GRWD1: variants seen among roughly 807,000 people sequenced by gnomAD.
GRWD1 encodes the protein glutamate-rich WD repeat-containing protein 1.
A neutral mutation model predicts 45.3 loss-of-function variants in GRWD1; 29 were observed. That is an observed-to-expected ratio of 0.64 (90% CI 0.48 to 0.87). The LOEUF (loss-of-function observed/expected upper bound fraction) is 0.87, where lower values mean the gene tolerates loss of function less well. GRWD1 is among the 40% of genes least tolerant of loss of function. The pLI, the probability that GRWD1 is intolerant of heterozygous loss-of-function variation, is 0.00. For missense variants in GRWD1, 592 were observed against 618.8 expected (o/e 0.96, Z 0.46); for synonymous variants, 262 against 257.6 (o/e 1.02, Z -0.16).
rs1417783952 is a variant in GRWD1 at position 48,446,301 on chromosome 19, C to T, written c.188-84C>T. ...GGGTCTAAGAGAAGTGATTTCATACCGGAGGCGGTTGATCCATGAGGGAGG... is the reference window on the plus strand; with the variant it reads ...GGGTCTAAGAGAAGTGATTTCATACTGGAGGCGGTTGATCCATGAGGGAGG... On this transcript the variant is annotated intron_variant, in intron 1 of 6. Transcript: ENST00000253237. 5.8e-6 allele frequency: 9 copies of T among 1,552,400 alleles called. No homozygotes were observed. In the African/African-American group the frequency reaches 8.2e-5, roughly 14 times the overall value.
At chr19:48,449,083 G>A (rs1971441951) in intron 3 of GRWD1, among the ~76,000 whole-genome samples, 1 of 152,074 alleles carries the variant, frequency 6.6e-6, no homozygotes, top group African/African-American at 2.4e-5. Flanking sequence ...ATGAGAAGGG[G>A]GTTGGAAGTG....
chr19:48,451,943 A>G (rs1407969059), intron 6 of GRWD1, among the ~76,000 whole-genome samples: 7 of 152,290 alleles, frequency 4.6e-5, no homozygotes, highest in African/African-American at 1.2e-4. Flanking sequence ...AGAGACGCCA[A>G]TTGAGCGGGG....
chr19:48,446,816 C>G lies in GRWD1; in HGVS notation c.441C>G (p.Pro147=). The part of the protein sequence containing the change: ...RKPQLELAMV[P]HYGGINRVRV... ...CTCAGCTGGAGCTGGCCATGGTGCC[C>G]CACTATGGTGGCATCAACCGAGTTC... Residue 147 remains proline, a synonymous_variant, in exon 3 of 7, where the codon CCC becomes CCG. Transcript: ENST00000253237. 1 of 1,613,828 alleles carries G rather than the reference C, an allele frequency of 6.2e-7. No homozygotes were observed. The highest frequency in any genetic ancestry group is 8.5e-7 in the Non-Finnish European group (1 of 1,179,980).
chr19:48,453,326 C>T lies in GRWD1; in HGVS notation c.*301C>T, dbSNP rs865990360. ...AGCTGTGACCCATTTGACCTGTGTC[C>T]CCAGAACCCAGTTTTTTGTTTGTTT... On this transcript the variant is annotated 3_prime_UTR_variant, in exon 7 of 7. Transcript: ENST00000253237. 3.3e-6 allele frequency: 1 copy of T among 302,192 alleles called. No homozygotes were observed. Among genetic ancestry groups the T allele is most frequent in the Non-Finnish European group, 6.1e-6 (1 of 163,608 alleles). The allele number at this position is 302,192 out of a possible 1,614,324, so 18.7% of individuals were successfully genotyped here.
In GRWD1 at chr19:48,446,087, G is replaced by C; in HGVS notation, c.82G>C (p.Gly28Arg). ...CGAGTCCGGCGACACAAGTTCCGAG[G>C]GCCCGGCCCAGGTCTACCTGCCCGG... ...EAESGDTSSE[G>R]PAQVYLPGRG... The change falls in exon 1 of 7, where the codon GGC becomes CGC. Residue 28 changes from glycine (G) to arginine (R), a missense_variant. Physicochemically the swap from Gly to Arg is moderately radical, Grantham distance 125 (BLOSUM62 -2). Coordinates refer to ENST00000253237, the MANE Select transcript of GRWD1 (RefSeq NM_031485.4). 1 of 1,596,316 alleles carries C rather than the reference G, an allele frequency of 6.3e-7. No individual in the cohort carries two copies.
Position 48,446,430 on chromosome 19 carries a change from A to G in GRWD1, c.233A>G (p.Asp78Gly). Residue 78 changes from aspartate to glycine, a missense_variant, in exon 2 of 7, where the codon GAC becomes GGC. Asp to Gly is a moderately conservative substitution (Grantham distance 94). Transcript: ENST00000253237. ...SFDIVRDHLG[D>G]NRTELPLTLY... ...GACATAGTCCGGGATCACCTGGGAG[A>G]CAACCGGACAGAGCTTCCTCTTACA... 6.2e-7 allele frequency: 1 copy of G among 1,614,126 alleles called. No homozygotes were observed. Among genetic ancestry groups the G allele is most frequent in the Admixed American group, 1.7e-5 (1 of 60,018 alleles).
rs1203847344 is a variant in GRWD1 at position 48,456,895 on chromosome 19, C to T, written c.*3870C>T. ...TTAGAGACAGGGTTTTGCTGTCTTC[C>T]CCAGGCTGGTTCTCAAACCCCTGGC... On this transcript the variant is annotated 3_prime_UTR_variant, in exon 7 of 7. Transcript: ENST00000253237. The T allele has an allele frequency of 1.3e-5, 2 of 151,716 alleles. No homozygotes were observed. Among genetic ancestry groups the T allele is most frequent in the African/African-American group, 4.8e-5 (2 of 41,306 alleles). The allele number at this position is 151,716 out of a possible 1,614,324, so 9.4% of individuals were successfully genotyped here. A position where few individuals can be genotyped will look rare whatever the true frequency, so the allele number is the denominator to read the frequency against.
rs918366881 is a variant in GRWD1 at position 48,452,552 on chromosome 19, C to T, written c.1024-156C>T. 6.6e-6 allele frequency among the ~76,000 whole-genome samples: 1 copy of T among 152,196 alleles called. No homozygotes were observed. The highest frequency in any genetic ancestry group is 2.4e-5 in the African/African-American group (1 of 41,456). ...AGCCTTCTTAGCAGCCAGAATTACC[C>T]TGTGTCCCTTTCCTGGACTCTGGGC... is the stretch of plus-strand genomic sequence containing the variant. On this transcript the variant is annotated intron_variant, in intron 6 of 6. Transcript: ENST00000253237. The surrounding 1 kb of genome is among the most constrained non-coding windows in gnomAD (Gnocchi z 5.1).
chr19:48,449,501 A>C (rs577410395), intron 3 of GRWD1, among the ~76,000 whole-genome samples: 1 of 152,120 alleles, frequency 6.6e-6, no homozygotes, highest in Non-Finnish European at 1.5e-5. Flanking sequence ...GCAGGTGGCA[A>C]TTAGGAGCTT....
intron 6 of GRWD1, among the ~76,000 whole-genome samples, chr19:48,451,868 C>T (rs1200559958): frequency 6.6e-6 from 1 of 152,154 alleles, no homozygotes; most frequent in East Asian, 1.9e-4. Context: ...CCTCCCAGGC[C>T]CACCAGGTCA....
intron 3 of GRWD1, among the ~76,000 whole-genome samples, chr19:48,448,450 T>C (rs992485790): frequency 2.6e-5 from 4 of 152,200 alleles, no homozygotes; most frequent in Admixed American, 6.5e-5. Flanking sequence ...GGTCTCTGGC[T>C]CCATCAACTT....
intron 3 of GRWD1, among the ~76,000 whole-genome samples, chr19:48,449,583 A>T (rs1971448241): frequency 6.6e-6 from 1 of 152,150 alleles, no homozygotes; most frequent in Non-Finnish European, 1.5e-5. Flanking sequence ...AGCACTTTGG[A>T]AAGCTGATGC....
chr19:48,453,141 G>A lies in GRWD1; in HGVS notation c.*116G>A, dbSNP rs926735735. 6.9e-6 allele frequency: 6 copies of A among 869,110 alleles called. No homozygotes were observed. Among genetic ancestry groups the A allele is most frequent in the Admixed American group, 2.8e-5 (1 of 35,594 alleles). The allele number at this position is 869,110 out of a possible 1,614,324, so 53.8% of individuals were successfully genotyped here. On this transcript the variant is annotated 3_prime_UTR_variant, in exon 7 of 7. Transcript: ENST00000253237. ...GAGACTGGCCGGCCTGTGGGCTGCC[G>A]TGATGGATTCTGTTTGACGTATTGT...
In GRWD1 at chr19:48,450,548, G is replaced by A. The variant is rs775203969; in HGVS notation, c.682+22G>A. ...ACCGGTGAGTCCCTGGGGTGTTCAGGAGTCCCGGGAGGTCGGGGGAGCAGG... is the reference window on the plus strand; with the variant it reads ...ACCGGTGAGTCCCTGGGGTGTTCAGAAGTCCCGGGAGGTCGGGGGAGCAGG... On this transcript the variant is annotated intron_variant, in intron 4 of 6. Transcript: ENST00000253237. The surrounding 1 kb of genome is among the most constrained non-coding windows in gnomAD (Gnocchi z 5.1). The A allele has an allele frequency of 6.2e-7, 1 of 1,612,790 alleles. No individual in the cohort carries two copies. Among genetic ancestry groups the A allele is most frequent in the South Asian group, 1.1e-5 (1 of 91,072 alleles).
At position 48,453,286 on chromosome 19, in the gene GRWD1, G is replaced by T; in HGVS notation, c.*261G>T. 1 of 411,050 alleles carries T rather than the reference G, an allele frequency of 2.4e-6. No homozygotes were observed. Among genetic ancestry groups the T allele is most frequent in the Non-Finnish European group, 4.3e-6 (1 of 230,354 alleles). 25.5% of individuals were successfully genotyped at this position (411,050 alleles called of 1,614,324 possible). On this transcript the variant is annotated 3_prime_UTR_variant, in exon 7 of 7. Transcript: ENST00000253237. ...TGTGGCCTGGTGTGGCCTGTGTGTC[G>T]GATTCCTTCCTGTCAGCTGTGACCC... is the stretch of plus-strand genomic sequence containing the variant.
At chr19:48,451,351 C>A in intron 6 of GRWD1, 120 bp downstream of exon 6, 1 of 851,656 alleles carries the variant, frequency 1.2e-6, no homozygotes, top group Non-Finnish European at 1.8e-6. Context: ...GCCCTTAGAA[C>A]TAGACTCCTG....
chr19:48,456,934 CCT>C lies in GRWD1; in HGVS notation c.*3910_*3911del, dbSNP rs1445508193. 2.0e-5 allele frequency: 3 copies of C among 151,594 alleles called. No homozygotes were observed. Among genetic ancestry groups the C allele is most frequent in the Non-Finnish European group, 4.4e-5 (3 of 68,006 alleles). The allele number at this position is 151,594 out of a possible 1,614,324, so 9.4% of individuals were successfully genotyped here. A position where few individuals can be genotyped will look rare whatever the true frequency, so the allele number is the denominator to read the frequency against. Reference sequence around the variant, plus strand: ...CAAACCCCTGGCCTCACGCATTCCTCCTGAGTTGGACTCCCAAAGTGCTAGGA... The same window carrying C: ...CAAACCCCTGGCCTCACGCATTCCTCGAGTTGGACTCCCAAAGTGCTAGGA... On this transcript the variant is annotated 3_prime_UTR_variant, in exon 7 of 7. Transcript: ENST00000253237.
At position 48,453,652 on chromosome 19, in the gene GRWD1, G is replaced by C. The variant is rs1156819995; in HGVS notation, c.*627G>C. 6.6e-6 allele frequency: 1 copy of C among 152,288 alleles called. No homozygotes were observed. Among genetic ancestry groups the C allele is most frequent in the East Asian group, 1.9e-4 (1 of 5,192 alleles). The allele number at this position is 152,288 out of a possible 1,614,324, so 9.4% of individuals were successfully genotyped here. ...GCCACCGCGTCCGGCTCAGGACCCA[G>C]TTTTGGCTGCTGGTTCCCAGCAGGG... is the stretch of plus-strand genomic sequence containing the variant. On this transcript the variant is annotated 3_prime_UTR_variant, in exon 7 of 7. Transcript: ENST00000253237.
At chr19:48,447,231 G>A (rs1255308391) in intron 3 of GRWD1, among the ~76,000 whole-genome samples, 1 of 151,672 alleles carries the variant, frequency 6.6e-6, no homozygotes. Flanking sequence ...CTGCCACCAG[G>A]CCCTTCTAAT....
Sources: gnomAD v4.1 joint callset for allele counts (sites outside exome capture counted in the v4.1 genomes callset) on GRCh38, gnomAD v4.1.1 for gene constraint, Gnocchi (gnomAD v3.1) non-coding constraint, MANE v1.5 for transcripts, NCBI Gene and HGNC (gene_info 2026-07-23, HGNC 2026-07-21) for gene names.